The following SLC24A4 variants were observed in gnomAD, a reference collection of about 807,000 sequenced individuals.
The protein encoded by SLC24A4 is solute carrier family 24 member 4, also known as sodium/potassium/calcium exchanger 4.
Under a neutral mutation model 79.0 loss-of-function variants are expected in SLC24A4, and 53 were observed. The observed-to-expected ratio is 0.67, with a 90% CI of 0.54 to 0.84. The LOEUF (loss-of-function observed/expected upper bound fraction) is 0.84, where lower values mean the gene tolerates loss of function less well. SLC24A4 is among the 40% of genes least tolerant of loss of function. The probability of loss-of-function intolerance (pLI) is 0.00; values close to 1 mark genes in which losing one functional copy is unlikely to be tolerated. For synonymous variants in SLC24A4, 323 were observed against 323.8 expected (o/e 1.00, Z 0.03); for missense variants, 731 against 822.0 (o/e 0.89, Z 1.35).
chr14:92,355,024 A>C lies in SLC24A4; in HGVS notation c.241+29046A>C, dbSNP rs1330400843. Reference sequence around the variant, plus strand: ...AGGAGGCAGAGGTTGGAGTGAGCTGAGATGGGGCCATTGCACTCCAACCTG... The same window carrying C: ...AGGAGGCAGAGGTTGGAGTGAGCTGCGATGGGGCCATTGCACTCCAACCTG... On this transcript the variant is annotated intron_variant, in intron 2 of 16. Transcript: ENST00000532405. 4.6e-5 allele frequency among the ~76,000 whole-genome samples: 7 copies of C among 152,306 alleles called. No homozygotes were observed. In the South Asian group the frequency reaches 1.2e-3, roughly 27 times the overall value.
At chr14:92,352,343 T>G (rs1003466894) in intron 2 of SLC24A4, among the ~76,000 whole-genome samples, 1 of 152,024 alleles carries the variant, frequency 6.6e-6, no homozygotes, top group Admixed American at 6.6e-5. Flanking sequence ...GACTGGCAGG[T>G]GCAAAGGCCC....
At chr14:92,358,488 G>A (rs1284517215) in intron 2 of SLC24A4, among the ~76,000 whole-genome samples, 2 of 151,964 alleles carry the variant, frequency 1.3e-5, no homozygotes, top group African/African-American at 2.4e-5. Flanking sequence ...CCGCTTGTCC[G>A]TACTCATCAT....
At chr14:92,450,157 C>T (rs2139833223) in intron 10 of SLC24A4, 1 of 152,492 alleles carries the variant, frequency 6.6e-6, no homozygotes, top group Non-Finnish European at 1.5e-5. Flanking sequence ...CCCCCGCTTT[C>T]TCCATGGCCT....
chr14:92,343,604 C>CTTTCTT (rs1886302641), intron 2 of SLC24A4, among the ~76,000 whole-genome samples: 1 of 144,588 alleles, frequency 6.9e-6, no homozygotes, highest in Non-Finnish European at 1.5e-5. Flanking sequence ...TTCTTTCTTT[C>CTTTCTT]TTTCTTTCTT....
At chr14:92,483,377 G>C (rs1384105087) in intron 13 of SLC24A4, among the ~76,000 whole-genome samples, 1 of 152,162 alleles carries the variant, frequency 6.6e-6, no homozygotes, top group African/African-American at 2.4e-5. Context: ...CTAACGAATG[G>C]GGGAAATCGA....
At chr14:92,409,589 A>C (rs1167053675) in intron 2 of SLC24A4, among the ~76,000 whole-genome samples, 1 of 152,192 alleles carries the variant, frequency 6.6e-6, no homozygotes, top group Non-Finnish European at 1.5e-5. Flanking sequence ...CCAGGTCAAG[A>C]AACAAAATAT....
rs140105826 is a variant in SLC24A4, at chr14:92,429,310, G to A, written c.242-4602G>A. On this transcript the variant is annotated intron_variant, in intron 2 of 16. Transcript: ENST00000532405. ...TATGGTGGTAGATACACGACTGTAG[G>A]TGTTTCTCAAAACCCATTGAACTTC... Among the ~76,000 whole-genome samples, 193 of 152,144 alleles carry A rather than the reference G, an allele frequency of 1.3e-3. 2 individuals carry two copies. In the East Asian group the frequency reaches 0.032, roughly 25 times the overall value.
At chr14:92,480,583 A>G (rs4904935) in intron 12 of SLC24A4, among the ~76,000 whole-genome samples, 138,021 of 151,794 alleles carry the variant, frequency 0.91, 63,732 homozygotes, top group Non-Finnish European at 0.99. Context: ...GTGAGCCACC[A>G]CGCCCGGCCT....
intron 2 of SLC24A4, among the ~76,000 whole-genome samples, chr14:92,343,653 T>TTTCCCTCC (rs1886338053): frequency 2.9e-5 from 1 of 34,214 alleles, no homozygotes; most frequent in African/African-American, 7.3e-5. Flanking sequence ...TCTTTCCTTC[T>TTTCCCTCC]TTCCTTCCTT....
At chr14:92,373,186 ACACACACG>A (rs1455318573) in intron 2 of SLC24A4, among the ~76,000 whole-genome samples, 2 of 70,898 alleles carry the variant, frequency 2.8e-5, no homozygotes, top group South Asian at 7.5e-4. Flanking sequence ...ACACACACAC[ACACACACG>A]CACACACACA....
rs1893465323 is a variant in SLC24A4 at position 92,456,413 on chromosome 14, C to T, written c.1060C>T (p.Leu354=). The T allele has an allele frequency of 1.2e-6, 2 of 1,614,114 alleles. No individual in the cohort carries two copies. The highest frequency in any genetic ancestry group is 1.3e-5 in the African/African-American group (1 of 74,952). ...SRIIINERQR[L]INSANGVSSK... ...CCTCCTGTCCACACAGCGGCAGAGACTGATCAACTCGGCCAATGGTGTGAG... is the reference window on the plus strand; with the variant it reads ...CCTCCTGTCCACACAGCGGCAGAGATTGATCAACTCGGCCAATGGTGTGAG... Residue 354 remains leucine (L), a synonymous_variant, in exon 12 of 17, where the codon CTG becomes TTG. Coordinates refer to ENST00000532405, the MANE Select transcript of SLC24A4 (RefSeq NM_153646.4).
chr14:92,359,308 G>T (rs1595161082), intron 2 of SLC24A4, among the ~76,000 whole-genome samples: 1 of 146,712 alleles, frequency 6.8e-6, no homozygotes, highest in Non-Finnish European at 1.5e-5. Flanking sequence ...GGGCACAGTG[G>T]CTCACGCCTA....
At chr14:92,445,390 C>G (rs762456505) in intron 8 of SLC24A4, 48 bp downstream of exon 8, 1 of 1,588,088 alleles carries the variant, frequency 6.3e-7, no homozygotes, top group South Asian at 1.1e-5. Flanking sequence ...GTTGTTGTTT[C>G]CAGTATCCTT....
At chr14:92,458,012 A>G (rs926648283) in intron 12 of SLC24A4, among the ~76,000 whole-genome samples, 2 of 152,194 alleles carry the variant, frequency 1.3e-5, no homozygotes, top group Admixed American at 1.3e-4. Flanking sequence ...ATTTAGGATC[A>G]CGGAGCTTCC....
intron 10 of SLC24A4, among the ~76,000 whole-genome samples, chr14:92,450,041 G>C (rs752896900): frequency 2.6e-4 from 40 of 152,240 alleles, no homozygotes; most frequent in Non-Finnish European, 5.7e-4. Flanking sequence ...GAGAGCAGGG[G>C]CTGGTTCTTG....
At chr14:92,365,934 A>G (rs976237266) in intron 2 of SLC24A4, among the ~76,000 whole-genome samples, 2 of 152,206 alleles carry the variant, frequency 1.3e-5, no homozygotes, top group African/African-American at 4.8e-5. Context: ...TGCGTGTACT[A>G]AGCATCTGCC....
intron 2 of SLC24A4, among the ~76,000 whole-genome samples, chr14:92,363,828 A>T (rs773015653): frequency 2.7e-4 from 32 of 117,946 alleles, no homozygotes; most frequent in Non-Finnish European, 4.6e-4. Context: ...GACTCCGTCT[A>T]AAAAAAAAAA....
At position 92,491,696 on chromosome 14, in the gene SLC24A4, A is replaced by G. The variant is rs146083362; in HGVS notation, c.1569A>G (p.Ile523Met). 7.4e-6 allele frequency: 12 copies of G among 1,613,884 alleles called. No homozygotes were observed. Among genetic ancestry groups the G allele is most frequent in the African/African-American group, 5.3e-5 (4 of 74,934 alleles). ...GLGDMAVSNT[I>M]GSNVFDILVG... ...GGGACATGGCAGTCTCCAACACCAT[A>G]GGAAGCAACGTGTTTGACATCCTGG... Residue 523 changes from isoleucine to methionine, a missense_variant, in exon 15 of 17, where the codon ATA (isoleucine) becomes ATG (methionine). Transcript: ENST00000532405.
intron 2 of SLC24A4, among the ~76,000 whole-genome samples, chr14:92,429,250 G>A (rs1387336155): frequency 6.6e-6 from 1 of 152,126 alleles, no homozygotes; most frequent in Admixed American, 6.5e-5. Flanking sequence ...CAGCACAAGG[G>A]AATTTTAGGG....
Sources: gnomAD v4.1 joint callset for allele counts (sites outside exome capture counted in the v4.1 genomes callset) on GRCh38, gnomAD v4.1.1 for gene constraint, MANE v1.5 for transcripts, NCBI Gene and HGNC (gene_info 2026-07-23, HGNC 2026-07-21) for gene names.